The following BICD1 variants were observed in gnomAD, a reference collection of about 807,000 sequenced individuals.
BICD1 encodes BICD cargo adaptor 1.
Under a neutral mutation model 92.5 loss-of-function variants are expected in BICD1, and 35 were observed. The observed-to-expected ratio is 0.38, with a 90% CI of 0.29 to 0.50. The LOEUF (loss-of-function observed/expected upper bound fraction) is 0.50. BICD1 is among the 20% of genes least tolerant of loss of function. BICD1 has a pLI of 0.93. For synonymous variants in BICD1, 429 were observed against 465.1 expected, an observed-to-expected ratio of 0.92 and a Z score of 1.00; for missense variants, 950 against 1,189.8, an observed-to-expected ratio of 0.80 and a Z score of 2.97.
intron 1 of BICD1, among the ~76,000 whole-genome samples, chr12:32,145,457 C>G (rs1182786069): frequency 6.6e-6 from 1 of 152,140 alleles, no homozygotes; most frequent in Non-Finnish European, 1.5e-5. Context: ...GTACTATGTT[C>G]AGCCCAGTTA....
At chr12:32,206,099 A>G (rs1420753652) in intron 1 of BICD1, among the ~76,000 whole-genome samples, 2 of 152,082 alleles carry the variant, frequency 1.3e-5, no homozygotes, top group African/African-American at 2.4e-5. Context: ...TTGGTTTTTT[A>G]TTCACCAATT....
intron 8 of BICD1, among the ~76,000 whole-genome samples, chr12:32,361,106 G>A (rs1392209444): frequency 1.3e-5 from 2 of 152,196 alleles, no homozygotes; most frequent in African/African-American, 4.8e-5. Context: ...GGATGTCTCA[G>A]ATAAGACAAG....
At chr12:32,335,126 T>C (rs1938047741) in intron 6 of BICD1, among the ~76,000 whole-genome samples, 1 of 151,888 alleles carries the variant, frequency 6.6e-6, no homozygotes. Context: ...TGAAGATTAA[T>C]AATCATCACA....
At chr12:32,204,669 A>G (rs1036854116) in intron 1 of BICD1, among the ~76,000 whole-genome samples, 6 of 152,164 alleles carry the variant, frequency 3.9e-5, no homozygotes, top group African/African-American at 1.4e-4. Context: ...GGCATAATAT[A>G]TTAGCATCCC....
Position 32,258,145 on chromosome 12 carries a change from A to AT in BICD1, c.427-35848dup, listed in dbSNP as rs1379379875. Among the ~76,000 whole-genome samples, 5 of 152,352 alleles carry AT rather than the reference A, an allele frequency of 3.3e-5. No individual in the cohort carries two copies. In the East Asian group the frequency reaches 7.7e-4, roughly 24 times the overall value. On this transcript the variant is annotated intron_variant, in intron 2 of 9. Transcript: ENST00000652176. Reference sequence around the variant, plus strand: ...GGTTGTACCAGTAGACAGGCCCAATATGTGAGGGTTTGCTTACTCCACAGC... The same window carrying AT: ...GGTTGTACCAGTAGACAGGCCCAATATTGTGAGGGTTTGCTTACTCCACAGC...
intron 1 of BICD1, among the ~76,000 whole-genome samples, chr12:32,214,006 A>G (rs758032793): frequency 3.3e-5 from 5 of 152,142 alleles, no homozygotes; most frequent in Non-Finnish European, 7.3e-5. Flanking sequence ...TTGTAATTCT[A>G]CTGTAAGGAA....
At chr12:32,128,835 C>T (rs1266829490) in intron 1 of BICD1, among the ~76,000 whole-genome samples, 2 of 152,086 alleles carry the variant, frequency 1.3e-5, no homozygotes, top group South Asian at 4.1e-4. Context: ...TGCAAGGGCA[C>T]GATCTTGGCT....
chr12:32,373,691 T>A (rs1333322123), intron 9 of BICD1, among the ~76,000 whole-genome samples: 1 of 148,584 alleles, frequency 6.7e-6, no homozygotes, highest in African/African-American at 2.5e-5. Context: ...GCTAACACAG[T>A]GAAACCCCGT....
At chr12:32,159,848 C>T (rs1043105422) in intron 1 of BICD1, among the ~76,000 whole-genome samples, 1 of 152,118 alleles carries the variant, frequency 6.6e-6, no homozygotes, top group African/African-American at 2.4e-5. Flanking sequence ...TTAATTTCTA[C>T]CTGTAGTTTG....
At chr12:32,112,882 T>C (rs1403195333) in intron 1 of BICD1, among the ~76,000 whole-genome samples, 1 of 152,152 alleles carries the variant, frequency 6.6e-6, no homozygotes, top group Non-Finnish European at 1.5e-5. Context: ...GGTACAAGGC[T>C]CCATTTAGAA....
At chr12:32,317,271 G>A (rs1425820239) in intron 4 of BICD1, among the ~76,000 whole-genome samples, 1 of 152,170 alleles carries the variant, frequency 6.6e-6, no homozygotes, top group Non-Finnish European at 1.5e-5. Context: ...AGATCCCTGA[G>A]GAATCGTCAC....
intron 1 of BICD1, among the ~76,000 whole-genome samples, chr12:32,155,811 A>C (rs1943419503): frequency 6.6e-6 from 1 of 152,244 alleles, no homozygotes; most frequent in Admixed American, 6.5e-5. Context: ...AGTGATTTAT[A>C]ATCTTTTAAA....
At chr12:32,335,365 T>C (rs1169151797) in intron 6 of BICD1, among the ~76,000 whole-genome samples, 4 of 151,772 alleles carry the variant, frequency 2.6e-5, no homozygotes, top group Admixed American at 2.6e-4. Flanking sequence ...TTAGCCAGGA[T>C]GGTCTCGATT....
At chr12:32,290,379 G>C (rs1947694184) in intron 2 of BICD1, among the ~76,000 whole-genome samples, 1 of 152,108 alleles carries the variant, frequency 6.6e-6, no homozygotes. Context: ...AAAAAGCTTT[G>C]GCCCTGCCCA....
At chr12:32,154,210 T>G (rs1450392735) in intron 1 of BICD1, among the ~76,000 whole-genome samples, 1 of 152,200 alleles carries the variant, frequency 6.6e-6, no homozygotes, top group Non-Finnish European at 1.5e-5. Context: ...TTCTCAATAT[T>G]TTGGGTCTAA....
intron 1 of BICD1, among the ~76,000 whole-genome samples, chr12:32,191,204 A>G (rs1051461549): frequency 6.6e-6 from 1 of 152,224 alleles, no homozygotes; most frequent in Admixed American, 6.5e-5. Flanking sequence ...GCCCAAAGTC[A>G]GCAGAAGGAG....
chr12:32,282,878 G>A (rs1049954824), intron 2 of BICD1, among the ~76,000 whole-genome samples: 1 of 152,314 alleles, frequency 6.6e-6, no homozygotes, highest in Admixed American at 6.5e-5. Flanking sequence ...TGACTTTGAC[G>A]AGACCAGGTT....
chr12:32,127,849 G>C (rs750918883), intron 1 of BICD1, among the ~76,000 whole-genome samples: 1 of 152,042 alleles, frequency 6.6e-6, no homozygotes, highest in South Asian at 2.1e-4. Context: ...CTCCAGCAAG[G>C]GAACTCAATT....
At chr12:32,324,127 G>C (rs185871794) in intron 4 of BICD1, among the ~76,000 whole-genome samples, 62 of 152,156 alleles carry the variant, frequency 4.1e-4, no homozygotes, top group African/African-American at 1.5e-3. Context: ...TCAGGAGTTC[G>C]AGACCAGCCG....
Sources: gnomAD v4.1 joint callset for allele counts (sites outside exome capture counted in the v4.1 genomes callset) on GRCh38, gnomAD v4.1.1 for gene constraint, MANE v1.5 for transcripts, NCBI Gene and HGNC (gene_info 2026-07-23, HGNC 2026-07-21) for gene names.